Variants in FLVCR1 observed in about 807,000 individuals in gnomAD.
FLVCR1 encodes choline/ethanolamine transporter FLVCR1.
A neutral mutation model predicts 53.6 loss-of-function variants in FLVCR1; 34 were observed. The ratio of observed to expected loss-of-function variants is 0.63; its 90% CI spans 0.48 to 0.84. The LOEUF (loss-of-function observed/expected upper bound fraction) is 0.84, where lower values mean the gene tolerates loss of function less well. FLVCR1 is among the 40% of genes least tolerant of loss of function. The probability of loss-of-function intolerance (pLI) is 0.00; values close to 1 mark genes in which losing one functional copy is unlikely to be tolerated. For missense variants in FLVCR1, 677 were observed against 696.7 expected, an observed-to-expected ratio of 0.97 and a Z score of 0.32; for synonymous variants, 300 against 286.3, an observed-to-expected ratio of 1.05 and a Z score of -0.48.
In FLVCR1 at chr1:212,893,065, T is replaced by TTGG. The variant is rs376805847; in HGVS notation, c.1526-1921_1526-1920insTGG. Among the ~76,000 whole-genome samples, 1,396 of 142,186 alleles carry TTGG rather than the reference T, an allele frequency of 9.8e-3. 22 individuals are homozygous for TTGG. The highest frequency in any genetic ancestry group is 0.014 in the African/African-American group (520 of 38,516). 93.3% of individuals were successfully genotyped at this position (142,186 alleles called of 152,430 possible). ...AAATGAAGGGTTGCTTCTTTTTTTT[T>TTGG]GGGGGGGGGTGCCGGAATGTTGCTG... On this transcript the variant is annotated intron_variant, in intron 8 of 9. Transcript: ENST00000366971.
intron 3 of FLVCR1, among the ~76,000 whole-genome samples, chr1:212,878,488 G>A (rs1488696077): frequency 2.8e-5 from 4 of 142,582 alleles, no homozygotes; most frequent in South Asian, 2.2e-4. Flanking sequence ...AGCTGAGATC[G>A]CACCACTGCA....
chr1:212,863,681 T>C (rs780088597), intron 1 of FLVCR1, 44 bp from the exon 2 acceptor site: 1 of 1,599,934 alleles, frequency 6.3e-7, no homozygotes, highest in South Asian at 1.1e-5. Flanking sequence ...ATTTACTTTT[T>C]TCTCTAATGA....
At chr1:212,877,686 G>GTTTTTTTT (rs56783462) in intron 3 of FLVCR1, among the ~76,000 whole-genome samples, 11 of 127,166 alleles carry the variant, frequency 8.7e-5, no homozygotes, top group East Asian at 4.6e-4. Context: ...TCTGATGATA[G>GTTTTTTTT]TTTTTTTTTT....
intron 1 of FLVCR1, among the ~76,000 whole-genome samples, chr1:212,860,494 A>G (rs1664200510): frequency 6.6e-6 from 1 of 151,382 alleles, no homozygotes. Flanking sequence ...GGCCATGATT[A>G]CATTTTCTTT....
rs755594832 is a variant in FLVCR1, at chr1:212,895,299, G to A, written c.*9G>A. ...CAGAATCAGCAATTTGAAGAGAAAG[G>A]CAAAGTTACTGTCCTGTAGTAATTG... On this transcript the variant is annotated 3_prime_UTR_variant, in exon 10 of 10. Coordinates refer to ENST00000366971, the MANE Select transcript of FLVCR1 (RefSeq NM_014053.4). The A allele has an allele frequency of 1.2e-6, 2 of 1,602,752 alleles. No homozygotes were observed. Among genetic ancestry groups the A allele is most frequent in the East Asian group, 4.5e-5 (2 of 44,772 alleles).
chr1:212,893,819 A>G (rs911058606), intron 8 of FLVCR1, among the ~76,000 whole-genome samples: 1 of 152,146 alleles, frequency 6.6e-6, no homozygotes, highest in Non-Finnish European at 1.5e-5. Context: ...CTTGTTGCCC[A>G]GGCTGGAGTG....
At position 212,858,723 on chromosome 1, in the gene FLVCR1, C is replaced by A; in HGVS notation, c.271C>A (p.Pro91Thr). Residue 91 changes from proline (P) to threonine (T), a missense_variant, in exon 1 of 10, where the codon CCG (proline) becomes ACG (threonine). Physicochemically the swap from Pro to Thr is conservative, Grantham distance 38. Transcript: ENST00000366971. The part of the protein sequence containing the change: ...LLPAGAGAET[P>T]GAESSPLPLT... ...GCCTGCGGGCGCGGGAGCTGAGACC[C>A]CGGGGGCCGAGAGCAGCCCGCTGCC... is the stretch of plus-strand genomic sequence containing the variant. 7 of 1,607,238 alleles carry A rather than the reference C, an allele frequency of 4.4e-6. No individual in the cohort carries two copies. Among genetic ancestry groups the A allele is most frequent in the Non-Finnish European group, 5.1e-6 (6 of 1,177,986 alleles).
chr1:212,885,716 AATTTTTTTAT>A (rs1665045750), intron 5 of FLVCR1, among the ~76,000 whole-genome samples: 1 of 151,882 alleles, frequency 6.6e-6, no homozygotes, highest in African/African-American at 2.4e-5. Flanking sequence ...ATGTCCGGCT[AATTTTTTTAT>A]ATTTTTAGTA....
intron 2 of FLVCR1, among the ~76,000 whole-genome samples, 195 bp from the exon 3 acceptor site, chr1:212,872,483 C>T (rs1048910121): frequency 3.3e-5 from 5 of 152,032 alleles, no homozygotes; most frequent in Non-Finnish European, 4.4e-5. Context: ...ACTGAGATGA[C>T]AGTGTTAAAC....
chr1:212,883,453 A>G lies in FLVCR1; in HGVS notation c.1092+15A>G, dbSNP rs780471756. ...CATATTATGAGGTAAGCTTCTGCTTATATCAGATTGCATGCCTGGCCAAAA... is the reference window on the plus strand; with the variant it reads ...CATATTATGAGGTAAGCTTCTGCTTGTATCAGATTGCATGCCTGGCCAAAA... On this transcript the variant is annotated intron_variant, in intron 4 of 9. Coordinates refer to ENST00000366971, the MANE Select transcript of FLVCR1 (RefSeq NM_014053.4). The G allele has an allele frequency of 1.6e-5, 24 of 1,506,366 alleles. No individual in the cohort carries two copies. The highest frequency in any genetic ancestry group is 3.4e-5 in the South Asian group (3 of 87,982). The allele number at this position is 1,506,366 out of a possible 1,614,324, so 93.3% of individuals were successfully genotyped here. A position where few individuals can be genotyped will look rare whatever the true frequency, so the allele number is the denominator to read the frequency against.
Position 212,858,708 on chromosome 1 carries a change from G to A in FLVCR1, c.256G>A (p.Ala86Thr), listed in dbSNP as rs371845105. The A allele has an allele frequency of 2.3e-5, 37 of 1,596,928 alleles. No homozygotes were observed. Among genetic ancestry groups the A allele is most frequent in the Non-Finnish European group, 2.6e-5 (31 of 1,173,642 alleles). The change falls in exon 1 of 10, where the codon GCG (alanine) becomes ACG (threonine). Residue 86 changes from alanine (A) to threonine (T), a missense_variant. Ala to Thr is a moderately conservative substitution (Grantham distance 58). Coordinates refer to ENST00000366971, the MANE Select transcript of FLVCR1 (RefSeq NM_014053.4). ...ETQARLLPAGAGAETPGAESS... is the reference protein window; with the variant it reads ...ETQARLLPAGTGAETPGAESS... The stretch of plus-strand genomic sequence containing the variant: ...CCAGGCCCGGCTGCTGCCTGCGGGC[G>A]CGGGAGCTGAGACCCCGGGGGCCGA...
intron 1 of FLVCR1, among the ~76,000 whole-genome samples, chr1:212,860,942 A>C (rs1355845929): frequency 6.6e-6 from 1 of 152,092 alleles, no homozygotes; most frequent in Non-Finnish European, 1.5e-5. Flanking sequence ...CACAGCTCTC[A>C]CCTAGAGCTT....
At chr1:212,874,895 T>A (rs547565432) in intron 3 of FLVCR1, among the ~76,000 whole-genome samples, 1 of 145,536 alleles carries the variant, frequency 6.9e-6, no homozygotes, top group Admixed American at 7.3e-5. Context: ...GCCACACTTA[T>A]AACCAACCCT....
At chr1:212,866,373 G>A (rs1322821845) in intron 2 of FLVCR1, among the ~76,000 whole-genome samples, 2 of 151,896 alleles carry the variant, frequency 1.3e-5, no homozygotes, top group African/African-American at 4.8e-5. Flanking sequence ...TGCCTGCCTC[G>A]GCCTCCCAAA....
intron 3 of FLVCR1, among the ~76,000 whole-genome samples, chr1:212,877,369 C>T (rs562238890): frequency 2.8e-4 from 43 of 152,082 alleles, no homozygotes; most frequent in African/African-American, 9.6e-4. Context: ...CCCGCCACCA[C>T]GCCCAGCTAA....
At chr1:212,869,895 AT>A (rs1220379709) in intron 2 of FLVCR1, among the ~76,000 whole-genome samples, 1 of 152,190 alleles carries the variant, frequency 6.6e-6, no homozygotes, top group Non-Finnish European at 1.5e-5. Flanking sequence ...ATTTAGATTT[AT>A]TTTGCCATGG....
intron 8 of FLVCR1, among the ~76,000 whole-genome samples, chr1:212,894,098 G>C (rs1297387130): frequency 7.9e-6 from 1 of 126,938 alleles, no homozygotes; most frequent in Non-Finnish European, 1.7e-5. Context: ...TTAAATTAAG[G>C]CATGTAGATT....
rs1003973142 is a variant in FLVCR1 at position 212,898,676 on chromosome 1, G to C, written c.*3386G>C. ...CAAGCAAGAATGTTATAATTCTACAGTAATGTGTGACTTCATGACAGAGCT... is the reference window on the plus strand; with the variant it reads ...CAAGCAAGAATGTTATAATTCTACACTAATGTGTGACTTCATGACAGAGCT... On this transcript the variant is annotated 3_prime_UTR_variant, in exon 10 of 10. Coordinates refer to ENST00000366971, the MANE Select transcript of FLVCR1 (RefSeq NM_014053.4). 1.3e-5 allele frequency: 2 copies of C among 152,206 alleles called. No individual in the cohort carries two copies. The highest frequency in any genetic ancestry group is 1.5e-5 in the Non-Finnish European group (1 of 68,036). The allele number at this position is 152,206 out of a possible 1,614,324, so 9.4% of individuals were successfully genotyped here.
chr1:212,878,393 T>C (rs538909499), intron 3 of FLVCR1, among the ~76,000 whole-genome samples: 3 of 151,762 alleles, frequency 2.0e-5, no homozygotes, highest in Admixed American at 1.3e-4. Context: ...TCCCAGCTAC[T>C]CGGGAGGCTG....
Sources: gnomAD v4.1 joint callset for allele counts (sites outside exome capture counted in the v4.1 genomes callset) on GRCh38, gnomAD v4.1.1 for gene constraint, MANE v1.5 for transcripts, NCBI Gene and HGNC (gene_info 2026-07-23, HGNC 2026-07-21) for gene names.